Variants in RYR3 observed in about 807,000 individuals in gnomAD.
RYR3 encodes brain ryanodine receptor-calcium release channel.
RYR3 carries 207 observed loss-of-function variants against 584.3 expected under a neutral mutation model. That is an observed-to-expected ratio of 0.35 (90% CI 0.32 to 0.40). RYR3 has a LOEUF of 0.40. RYR3 is among the 10% of genes least tolerant of loss of function. The pLI, the probability that RYR3 is intolerant of heterozygous loss-of-function variation, is 1.00. For synonymous variants in RYR3, 2,416 were observed against 2,248.5 expected (o/e 1.07, Z -2.11); for missense variants, 5,616 against 6,089.2 (o/e 0.92, Z 2.59).
At chr15:33,604,973 A>G (rs17817384) in intron 18 of RYR3, among the ~76,000 whole-genome samples, 32,120 of 152,054 alleles carry the variant, frequency 0.21, 4,082 homozygotes, top group South Asian at 0.3. Context: ...ACTGCTGCCT[A>G]TCTCCCACCA....
At chr15:33,430,652 G>A (rs1462845966) in intron 1 of RYR3, among the ~76,000 whole-genome samples, 3 of 152,138 alleles carry the variant, frequency 2.0e-5, no homozygotes, top group South Asian at 2.1e-4. Flanking sequence ...AAACAATGCG[G>A]GGACATGTGT....
intron 67 of RYR3, among the ~76,000 whole-genome samples, chr15:33,795,979 C>A (rs1183820400): frequency 2.0e-5 from 3 of 152,140 alleles, no homozygotes; most frequent in Non-Finnish European, 2.9e-5. Flanking sequence ...TAGGGTAAAT[C>A]CCATGCAGCA....
intron 67 of RYR3, 38 bp downstream of exon 67, chr15:33,788,496 G>A (rs1188020083): frequency 1.2e-6 from 2 of 1,603,406 alleles, no homozygotes; most frequent in Non-Finnish European, 1.7e-6. Flanking sequence ...CTGCCCCTCT[G>A]TGGGGCTAGT....
chr15:33,500,656 A>G (rs1365353467), intron 2 of RYR3, among the ~76,000 whole-genome samples: 5 of 152,162 alleles, frequency 3.3e-5, no homozygotes, highest in Admixed American at 2.0e-4. Context: ...GCTGAGAGTC[A>G]TCAAACACTT....
In RYR3 at chr15:33,605,328, A is replaced by T. The variant is rs771691510; in HGVS notation, c.2164+1964A>T. On this transcript the variant is annotated intron_variant, in intron 18 of 103. Transcript: ENST00000634891. ...TGAACATCCTGTCTAATTGTGTATCATTCCAGGAGTGTACAGTTCCCCATC... is the reference window on the plus strand; with the variant it reads ...TGAACATCCTGTCTAATTGTGTATCTTTCCAGGAGTGTACAGTTCCCCATC... Among the ~76,000 whole-genome samples, 9 of 152,278 alleles carry T rather than the reference A, an allele frequency of 5.9e-5. No homozygotes were observed. The South Asian group carries it at 1.2e-3, about 21-fold the overall frequency.
At chr15:33,790,077 C>T (rs566048583) in intron 67 of RYR3, among the ~76,000 whole-genome samples, 5 of 144,252 alleles carry the variant, frequency 3.5e-5, no homozygotes, top group South Asian at 2.3e-4. Flanking sequence ...CTACAAGCTC[C>T]GCCTCCCAGG....
intron 34 of RYR3, among the ~76,000 whole-genome samples, chr15:33,661,420 T>G (rs551017411): frequency 1.3e-5 from 2 of 152,318 alleles, no homozygotes; most frequent in Non-Finnish European, 1.5e-5. Context: ...TTTCAGGTCG[T>G]TGGAGGAACA....
At chr15:33,731,260 T>A (rs2068922891) in intron 47 of RYR3, among the ~76,000 whole-genome samples, 2 of 151,894 alleles carry the variant, frequency 1.3e-5, no homozygotes, top group South Asian at 4.2e-4. Flanking sequence ...TTTGTGTGTT[T>A]TTTTTTTGTT....
chr15:33,770,573 C>A (rs72715146), intron 62 of RYR3, among the ~76,000 whole-genome samples: 2,034 of 152,060 alleles, frequency 0.013, 25 homozygotes, highest in Middle Eastern at 0.027. Context: ...GCAACATAGA[C>A]CCCCATCTCT....
In RYR3 at chr15:33,748,143, A is replaced by G. The variant is rs2070929304; in HGVS notation, c.8019A>G (p.Arg2673=). Residue 2673 remains arginine (R), a synonymous_variant, in exon 54 of 104, where the codon CGA becomes CGG. Transcript: ENST00000634891. ...KEKEIYRWPA[R]ESLKTMLAVG... is the part of the protein sequence containing the mutation. ...AGGAAATTTATCGCTGGCCTGCGCG[A>G]GAGTCCCTGAAAACCATGCTGGCTG... The G allele has an allele frequency of 6.2e-7, 1 of 1,613,808 alleles. No homozygotes were observed. The highest frequency in any genetic ancestry group is 8.5e-7 in the Non-Finnish European group (1 of 1,179,854).
chr15:33,801,426 A>T (rs1014968846), intron 68 of RYR3, among the ~76,000 whole-genome samples: 2 of 152,220 alleles, frequency 1.3e-5, no homozygotes, highest in East Asian at 3.8e-4. Context: ...AGACCAGGAA[A>T]GGGAAGGGGA....
rs745931310 is a variant in RYR3 at position 33,561,905 on chromosome 15, GA to G, written c.973-920del. Among the ~76,000 whole-genome samples, 412 of 121,638 alleles carry G rather than the reference GA, an allele frequency of 3.4e-3. 2 individuals carry two copies. The highest frequency in any genetic ancestry group is 0.011 in the African/African-American group (353 of 33,072). The allele number at this position is 121,638 out of a possible 152,430, so 79.8% of individuals were successfully genotyped here. ...CAGAGTGAGACCCTGGGCTCAAAAA[GA>G]AAAAAAAAAAAGAGAGAGAAATGTT... On this transcript the variant is annotated intron_variant, in intron 10 of 103. Transcript: ENST00000634891.
At chr15:33,666,895 C>T (rs1245613358) in intron 36 of RYR3, among the ~76,000 whole-genome samples, 1 of 152,214 alleles carries the variant, frequency 6.6e-6, no homozygotes, top group African/African-American at 2.4e-5. Flanking sequence ...CCCCTGCTTC[C>T]TAAATGTTCT....
chr15:33,860,660 G>A lies in RYR3; in HGVS notation c.14364+1G>A. 6.3e-7 allele frequency: 1 copy of A among 1,580,848 alleles called. No homozygotes were observed. The highest frequency in any genetic ancestry group is 2.3e-5 in the East Asian group (1 of 44,336). On this transcript the variant is annotated splice_donor_variant, in intron 101 of 103. Transcript: ENST00000634891. LOFTEE classifies it high-confidence loss of function. The stretch of plus-strand genomic sequence containing the variant: ...GGAACAAGTACGAGAAGATATGGAG[G>A]TAATGTTACTCTAACTACTAATCCC...
intron 43 of RYR3, 95 bp downstream of exon 43, chr15:33,707,149 T>G: frequency 7.1e-7 from 1 of 1,414,364 alleles, no homozygotes; most frequent in Non-Finnish European, 9.7e-7. Flanking sequence ...GCTTCTTATC[T>G]GAAAATAGGG....
chr15:33,355,437 T>C (rs1048096711), intron 1 of RYR3, among the ~76,000 whole-genome samples: 1 of 152,158 alleles, frequency 6.6e-6, no homozygotes, highest in Non-Finnish European at 1.5e-5. Context: ...CCCTATGAGA[T>C]GTATGTTATT....
chr15:33,416,571 T>A (rs925318257), intron 1 of RYR3, among the ~76,000 whole-genome samples: 29 of 152,230 alleles, frequency 1.9e-4, no homozygotes, highest in Non-Finnish European at 1.5e-5. Context: ...AAGCTCCTTA[T>A]AGATTCTGGA....
chr15:33,821,118 G>T (rs1448617339), intron 78 of RYR3, among the ~76,000 whole-genome samples, 152 bp from the exon 79 acceptor site: 1 of 152,052 alleles, frequency 6.6e-6, no homozygotes, highest in African/African-American at 2.4e-5. Context: ...GCTGGCTAGT[G>T]TCTGGAAATA....
At chr15:33,400,747 GTAT>G (rs1370676645) in intron 1 of RYR3, among the ~76,000 whole-genome samples, 2 of 152,150 alleles carry the variant, frequency 1.3e-5, no homozygotes, top group Non-Finnish European at 2.9e-5. Flanking sequence ...GTGGGGAGTG[GTAT>G]TATTAATGAT....
Sources: allele counts gnomAD v4.1 joint callset (sites outside exome capture counted in the v4.1 genomes callset), GRCh38; gene constraint gnomAD v4.1.1; transcripts MANE v1.5; gene names NCBI Gene and HGNC (gene_info 2026-07-23, HGNC 2026-07-21).